Variants in KCNJ6 observed in about 807,000 individuals in gnomAD.
KCNJ6 encodes the protein G protein-activated inward rectifier potassium channel 2.
In KCNJ6, 9 loss-of-function variants were observed where a neutral mutation model predicts 34.2. That is an observed-to-expected ratio of 0.26 (90% CI 0.16 to 0.46). The LOEUF is 0.46. KCNJ6 is among the 20% of genes least tolerant of loss of function. The pLI is 1.00. For missense variants in KCNJ6, 236 were observed against 531.3 expected (o/e 0.44, Z 5.46); for synonymous variants, 196 against 207.1 (o/e 0.95, Z 0.46).
chr21:37,670,866 C>G (rs1207384722), intron 3 of KCNJ6, among the ~76,000 whole-genome samples: 1 of 151,830 alleles, frequency 6.6e-6, no homozygotes, highest in Non-Finnish European at 1.5e-5. Context: ...TTTCTTTCAG[C>G]AGGACCTTAT....
chr21:37,897,803 C>A (rs1033613087), intron 1 of KCNJ6, among the ~76,000 whole-genome samples: 1 of 152,210 alleles, frequency 6.6e-6, no homozygotes, highest in African/African-American at 2.4e-5. Context: ...ATCATCACAG[C>A]CATTGTATTC....
intron 2 of KCNJ6, among the ~76,000 whole-genome samples, chr21:37,722,260 A>C (rs949049996): frequency 9.9e-5 from 15 of 152,214 alleles, no homozygotes; most frequent in Admixed American, 7.2e-4. Context: ...TGATCTCTAC[A>C]AGAACTACAA....
At chr21:37,883,801 G>C (rs1427295546) in intron 1 of KCNJ6, among the ~76,000 whole-genome samples, 2 of 152,198 alleles carry the variant, frequency 1.3e-5, no homozygotes, top group Non-Finnish European at 2.9e-5. Context: ...TTGACTCTTA[G>C]TGATGCTTGA....
chr21:37,896,050 G>A (rs143289027), intron 1 of KCNJ6, among the ~76,000 whole-genome samples: 119 of 152,274 alleles, frequency 7.8e-4, no homozygotes, highest in South Asian at 3.7e-3. Context: ...TGGCATTTGC[G>A]GCCTCTGGGG....
At chr21:37,741,492 G>A (rs892433375) in intron 2 of KCNJ6, among the ~76,000 whole-genome samples, 1 of 152,158 alleles carries the variant, frequency 6.6e-6, no homozygotes, top group African/African-American at 2.4e-5. Context: ...CTCTCCTGCA[G>A]CTCTGTCTGG....
At chr21:37,875,527 G>T (rs2055673747) in intron 1 of KCNJ6, among the ~76,000 whole-genome samples, 1 of 152,216 alleles carries the variant, frequency 6.6e-6, no homozygotes, top group Admixed American at 6.5e-5. Context: ...TCTACCCTAG[G>T]GTTCCTCGGG....
intron 1 of KCNJ6, among the ~76,000 whole-genome samples, chr21:37,853,001 T>TA (rs1398695112): frequency 1.3e-5 from 2 of 151,592 alleles, no homozygotes; most frequent in East Asian, 3.9e-4. Flanking sequence ...AAAATAGACT[T>TA]AAAAAAATGA....
chr21:37,728,698 G>GTATATATA (rs57901753), intron 2 of KCNJ6, among the ~76,000 whole-genome samples: 6 of 150,316 alleles, frequency 4.0e-5, no homozygotes, highest in African/African-American at 1.5e-4. Flanking sequence ...GTGTGTGTGT[G>GTATATATA]TATATATATA....
intron 2 of KCNJ6, among the ~76,000 whole-genome samples, chr21:37,798,347 C>A (rs1036835792): frequency 6.6e-6 from 1 of 152,206 alleles, no homozygotes; most frequent in Non-Finnish European, 1.5e-5. Context: ...CTCCTTCCCA[C>A]TAGCCTCATG....
At chr21:37,884,730 G>T (rs1469059631) in intron 1 of KCNJ6, among the ~76,000 whole-genome samples, 1 of 152,104 alleles carries the variant, frequency 6.6e-6, no homozygotes, top group African/African-American at 2.4e-5. Context: ...TCATCCCCAG[G>T]GACCTAGGAC....
At chr21:37,838,253 G>A (rs1324593647) in intron 2 of KCNJ6, among the ~76,000 whole-genome samples, 2 of 152,250 alleles carry the variant, frequency 1.3e-5, no homozygotes, top group Admixed American at 6.5e-5. Context: ...CCAATAAATC[G>A]ATAGTCAGGT....
intron 3 of KCNJ6, among the ~76,000 whole-genome samples, chr21:37,679,947 G>A (rs2054583404): frequency 1.3e-5 from 2 of 152,106 alleles, no homozygotes; most frequent in African/African-American, 4.8e-5. Flanking sequence ...TGGTGCTCAG[G>A]GATTCCCTAT....
At chr21:37,733,138 T>G (rs1471672597) in intron 2 of KCNJ6, among the ~76,000 whole-genome samples, 2 of 152,220 alleles carry the variant, frequency 1.3e-5, no homozygotes, top group East Asian at 1.9e-4. Flanking sequence ...TAATGCTGAC[T>G]TCCTCTTTTC....
At chr21:37,784,385 C>T (rs116756622) in intron 2 of KCNJ6, among the ~76,000 whole-genome samples, 13 of 152,256 alleles carry the variant, frequency 8.5e-5, no homozygotes, top group African/African-American at 3.1e-4. Context: ...CCAGACCGAG[C>T]CTTCTGCCTT....
At chr21:37,781,991 A>T (rs1017233285) in intron 2 of KCNJ6, among the ~76,000 whole-genome samples, 3 of 152,232 alleles carry the variant, frequency 2.0e-5, no homozygotes, top group Non-Finnish European at 4.4e-5. Flanking sequence ...GACGTTGCAG[A>T]TGTGATTCTG....
chr21:37,906,235 C>T (rs1164628697), intron 1 of KCNJ6, among the ~76,000 whole-genome samples: 1 of 152,150 alleles, frequency 6.6e-6, no homozygotes, highest in Non-Finnish European at 1.5e-5. Flanking sequence ...TCTGATGGAC[C>T]AAAAGCTTTT....
At chr21:37,629,249 C>T (rs2054323691) in intron 3 of KCNJ6, among the ~76,000 whole-genome samples, 1 of 152,096 alleles carries the variant, frequency 6.6e-6, no homozygotes, top group South Asian at 2.1e-4. Flanking sequence ...TATACTATTC[C>T]ATTATATGAA....
At chr21:37,703,304 A>AG (rs1279175338) in intron 3 of KCNJ6, among the ~76,000 whole-genome samples, 1 of 152,082 alleles carries the variant, frequency 6.6e-6, no homozygotes. Context: ...CCACAGCAAC[A>AG]GGGGGGAAGA....
chr21:37,680,742 A>G (rs1218470215), intron 3 of KCNJ6, among the ~76,000 whole-genome samples: 1 of 152,082 alleles, frequency 6.6e-6, no homozygotes, highest in African/African-American at 2.4e-5. Flanking sequence ...TCTCCAGGAA[A>G]CTGCAGGTCT....
Sources: gnomAD v4.1 joint callset for allele counts (sites outside exome capture counted in the v4.1 genomes callset) on GRCh38, gnomAD v4.1.1 for gene constraint, MANE v1.5 for transcripts, NCBI Gene and HGNC (gene_info 2026-07-23, HGNC 2026-07-21) for gene names.